OPA1: variants seen among roughly 807,000 people sequenced by gnomAD.
OPA1 encodes dynamin-like GTPase OPA1, mitochondrial.
Under a neutral mutation model 152.9 loss-of-function variants are expected in OPA1, and 59 were observed. The observed-to-expected ratio is 0.39, with a 90% CI of 0.31 to 0.48. OPA1 has a LOEUF of 0.48. OPA1 is among the 20% of genes least tolerant of loss of function. OPA1 has a pLI of 0.96. For synonymous variants in OPA1, 400 were observed against 389.9 expected, an observed-to-expected ratio of 1.03 and a Z score of -0.31; for missense variants, 1,008 against 1,216.8, an observed-to-expected ratio of 0.83 and a Z score of 2.55.
chr3:193,637,778 C>G (rs1486514168), intron 10 of OPA1, among the ~76,000 whole-genome samples, 174 bp from the exon 11 acceptor site: 1 of 152,086 alleles, frequency 6.6e-6, no homozygotes, highest in Non-Finnish European at 1.5e-5. Context: ...TTTGCTGTTC[C>G]TATTTTCAAT....
At chr3:193,609,398 G>A (rs577527341) in intron 1 of OPA1, among the ~76,000 whole-genome samples, 10 of 152,284 alleles carry the variant, frequency 6.6e-5, no homozygotes, top group East Asian at 3.9e-4. Flanking sequence ...AGTTTCTGCC[G>A]AGAGATCAGC....
intron 6 of OPA1, among the ~76,000 whole-genome samples, chr3:193,620,840 A>G (rs1006764485): frequency 6.6e-6 from 1 of 152,216 alleles, no homozygotes; most frequent in Non-Finnish European, 1.5e-5. Context: ...GAGAATGATG[A>G]GTCACTCAGC....
intron 21 of OPA1, among the ~76,000 whole-genome samples, chr3:193,652,710 T>C (rs1292248180): frequency 6.6e-6 from 1 of 151,994 alleles, no homozygotes; most frequent in Non-Finnish European, 1.5e-5. Context: ...TGGTTTGTCA[T>C]GGAACCGGGT....
intron 29 of OPA1, among the ~76,000 whole-genome samples, chr3:193,682,257 G>A (rs541021440): frequency 1.6e-4 from 25 of 152,304 alleles, no homozygotes; most frequent in African/African-American, 5.1e-4. Flanking sequence ...TCAATTCTCC[G>A]AAAGCTGAGA....
At chr3:193,607,782 T>TA (rs1233414341) in intron 1 of OPA1, among the ~76,000 whole-genome samples, 69 of 152,330 alleles carry the variant, frequency 4.5e-4, no homozygotes, top group Admixed American at 2.0e-4. Context: ...AAGTAGTTTT[T>TA]TCCAATTCTG....
intron 29 of OPA1, among the ~76,000 whole-genome samples, chr3:193,686,699 T>C (rs948408126): frequency 3.3e-5 from 5 of 152,198 alleles, no homozygotes; most frequent in South Asian, 4.1e-4. Context: ...AAAGCAAACC[T>C]TTTCATGAAC....
chr3:193,614,556 A>G (rs1728725663), intron 1 of OPA1, among the ~76,000 whole-genome samples, 167 bp from the exon 2 acceptor site: 1 of 152,226 alleles, frequency 6.6e-6, no homozygotes, highest in Admixed American at 6.5e-5. Context: ...CACATACTGT[A>G]ACCATGTCTG....
chr3:193,655,075 A>T, intron 22 of OPA1, 48 bp downstream of exon 22: 1 of 1,554,954 alleles, frequency 6.4e-7, no homozygotes, highest in Non-Finnish European at 8.9e-7. Flanking sequence ...ATCTGAAGGG[A>T]GTAGGAGCTG....
intron 1 of OPA1, chr3:193,596,655 T>C (rs1725643561): frequency 6.6e-6 from 1 of 152,226 alleles, no homozygotes; most frequent in Admixed American, 6.5e-5. Flanking sequence ...TTTAATTCTG[T>C]ACACTTTCTA....
intron 1 of OPA1, 59 bp downstream of exon 1, chr3:193,593,468 T>C (rs948986750): frequency 7.0e-7 from 1 of 1,434,954 alleles, no homozygotes; most frequent in South Asian, 1.4e-5. Flanking sequence ...AGTGGGGCTG[T>C]CTTATCTCTA....
rs181430346 is a variant in OPA1, at chr3:193,608,058, T to C, written c.33-6665T>C. 2.2e-3 allele frequency among the ~76,000 whole-genome samples: 328 copies of C among 152,294 alleles called. 1 individual carries two copies. The highest frequency in any genetic ancestry group is 3.3e-3 in the Admixed American group (50 of 15,300). On this transcript the variant is annotated intron_variant, in intron 1 of 30. Coordinates refer to ENST00000361510, the MANE Select transcript of OPA1 (RefSeq NM_130837.3). The stretch of plus-strand genomic sequence containing the variant: ...AGAGTTCACTCATGATTTGGCTCTC[T>C]GTTTGTCTGTTATTGGTATATAAGA...
rs971595953 is a variant in OPA1 at position 193,630,258 on chromosome 3, C to G, written c.790-1354C>G. The stretch of plus-strand genomic sequence containing the variant: ...TGAAAAAAAGCTTCTATCAGCAGAT[C>G]TGTGCTTGCTGTACAGAAATGGGAA... On this transcript the variant is annotated intron_variant, in intron 7 of 30. Transcript: ENST00000361510. Among the ~76,000 whole-genome samples the G allele has an allele frequency of 3.3e-5, 4 of 122,060 alleles. No individual in the cohort carries two copies. The East Asian group carries it at 8.8e-4, about 27-fold the overall frequency. The allele number at this position is 122,060 out of a possible 152,430, so 80.1% of individuals were successfully genotyped here.
intron 1 of OPA1, among the ~76,000 whole-genome samples, chr3:193,603,907 A>C (rs1726835911): frequency 6.6e-6 from 1 of 152,034 alleles, no homozygotes; most frequent in Non-Finnish European, 1.5e-5. Flanking sequence ...CTTCACCATC[A>C]TCAGGCAGAG....
intron 7 of OPA1, among the ~76,000 whole-genome samples, chr3:193,631,046 A>G (rs1212436557): frequency 2.0e-5 from 3 of 152,224 alleles, no homozygotes; most frequent in Non-Finnish European, 4.4e-5. Flanking sequence ...AAAAGCAAGC[A>G]TTTGGCTCCA....
chr3:193,695,871 G>C lies in OPA1; in HGVS notation c.*1271G>C, dbSNP rs188399229. The stretch of plus-strand genomic sequence containing the variant: ...TTTACATCAATGCATGCTTCGTTGT[G>C]ATCCCTCAAGATGTAACACTTGGTA... On this transcript the variant is annotated 3_prime_UTR_variant, in exon 31 of 31. Transcript: ENST00000361510. The C allele has an allele frequency of 3.3e-5, 5 of 152,270 alleles. No individual in the cohort carries two copies. Among genetic ancestry groups the C allele is most frequent in the Admixed American group, 2.6e-4 (4 of 15,294 alleles). 9.4% of individuals were successfully genotyped at this position (152,270 alleles called of 1,614,324 possible).
intron 1 of OPA1, among the ~76,000 whole-genome samples, chr3:193,609,596 T>G (rs918551503): frequency 6.6e-5 from 10 of 152,356 alleles, no homozygotes; most frequent in Admixed American, 2.6e-4. Context: ...CCTTGCTAGA[T>G]TGGGGAAGTT....
chr3:193,643,247 A>G (rs577186804), intron 13 of OPA1, 126 bp from the exon 14 acceptor site: 3 of 877,228 alleles, frequency 3.4e-6, no homozygotes, highest in African/African-American at 3.4e-5. Context: ...AAAGAATACC[A>G]TTTTTGTGAG....
At chr3:193,658,497 G>T (rs1714461801) in intron 23 of OPA1, among the ~76,000 whole-genome samples, 1 of 152,000 alleles carries the variant, frequency 6.6e-6, no homozygotes, top group Non-Finnish European at 1.5e-5. Flanking sequence ...TTTTGAAAAG[G>T]CTAACATGTA....
At chr3:193,679,771 A>G (rs1056873482) in intron 29 of OPA1, among the ~76,000 whole-genome samples, 2 of 152,184 alleles carry the variant, frequency 1.3e-5, no homozygotes, top group Non-Finnish European at 2.9e-5. Context: ...TAATGTTTTC[A>G]TTCCTCCAAA....
Sources: allele counts gnomAD v4.1 joint callset (sites outside exome capture counted in the v4.1 genomes callset), GRCh38; gene constraint gnomAD v4.1.1; transcripts MANE v1.5; gene names NCBI Gene and HGNC (gene_info 2026-07-23, HGNC 2026-07-21).